Variants in HYAL4 observed in about 807,000 individuals in gnomAD.
The protein encoded by HYAL4 is hyaluronidase-4.
In HYAL4, 37 loss-of-function variants were observed where a neutral mutation model predicts 35.2. That is an observed-to-expected ratio of 1.05 (90% CI 0.81 to 1.38). The LOEUF is 1.38. Ranked by LOEUF, HYAL4 falls within the 40% of genes most tolerant of loss-of-function variation. The probability of loss-of-function intolerance (pLI) is 0.00; values close to 1 mark genes in which losing one functional copy is unlikely to be tolerated. For missense variants in HYAL4, 572 were observed against 572.4 expected (o/e 1.00, Z 0.01); for synonymous variants, 198 against 203.2 (o/e 0.97, Z 0.22).
At chr7:123,819,254 A>G in the HYAL4 span, 1 of 152,578 alleles carries the variant, frequency 6.6e-6, no homozygotes, top group Admixed American at 6.6e-5. Context: ...GTTCCTTACC[A>G]CAGTTGAGGG....
At chr7:123,807,399 T>A in the HYAL4 span, among the ~76,000 whole-genome samples, 2 of 151,646 alleles carry the variant, frequency 1.3e-5, no homozygotes, top group African/African-American at 2.4e-5. Context: ...TTTTAAAAAA[T>A]TTTTTGACTT....
intron 2 of HYAL4, among the ~76,000 whole-genome samples, chr7:123,859,363 G>A (rs1238603394): frequency 6.6e-6 from 1 of 152,126 alleles, no homozygotes; most frequent in Non-Finnish European, 1.5e-5. Flanking sequence ...CCGGTATTGT[G>A]CATTACATTT....
the HYAL4 span, among the ~76,000 whole-genome samples, chr7:123,786,326 A>G: frequency 6.6e-6 from 1 of 152,238 alleles, no homozygotes; most frequent in Admixed American, 6.5e-5. Flanking sequence ...AATGATGCTG[A>G]GGTTTGCTTG....
chr7:123,866,771 T>C (rs1365570894), intron 2 of HYAL4, among the ~76,000 whole-genome samples: 1 of 151,212 alleles, frequency 6.6e-6, no homozygotes, highest in African/African-American at 2.4e-5. Context: ...AACACCTACC[T>C]ATCTTCTCTT....
the HYAL4 span, among the ~76,000 whole-genome samples, chr7:123,812,785 A>G: frequency 6.6e-6 from 1 of 152,128 alleles, no homozygotes; most frequent in Non-Finnish European, 1.5e-5. Context: ...TCCCTGAACA[A>G]CAAATAAAGA....
intron 1 of HYAL4, among the ~76,000 whole-genome samples, chr7:123,847,296 T>A (rs951294005): frequency 1.3e-5 from 2 of 152,180 alleles, no homozygotes; most frequent in African/African-American, 4.8e-5. Context: ...TTTTCAGCTT[T>A]ATAGTGTATT....
chr7:123,774,689 C>T, the HYAL4 span, among the ~76,000 whole-genome samples: 1 of 152,188 alleles, frequency 6.6e-6, no homozygotes, highest in Non-Finnish European at 1.5e-5. Flanking sequence ...TCCTAACATT[C>T]CTCAAGGCTT....
At chr7:123,764,506 A>G in the HYAL4 span, among the ~76,000 whole-genome samples, 1,185 of 152,308 alleles carry the variant, frequency 7.8e-3, 20 homozygotes, top group African/African-American at 0.027. Context: ...CATGAAGATG[A>G]TCCTCCACTG....
the HYAL4 span, among the ~76,000 whole-genome samples, chr7:123,788,032 C>T: frequency 6.6e-6 from 1 of 152,134 alleles, no homozygotes; most frequent in Non-Finnish European, 1.5e-5. Flanking sequence ...AATATTGGCT[C>T]AGTGGCCAGG....
the HYAL4 span, among the ~76,000 whole-genome samples, chr7:123,792,201 AC>A: frequency 6.6e-6 from 1 of 152,246 alleles, no homozygotes; most frequent in Non-Finnish European, 1.5e-5. Flanking sequence ...ACACTGTTAC[AC>A]AGGCAGATCA....
chr7:123,813,767 A>T, the HYAL4 span, among the ~76,000 whole-genome samples: 1 of 152,198 alleles, frequency 6.6e-6, no homozygotes, highest in Non-Finnish European at 1.5e-5. Flanking sequence ...CTTTGTAAGT[A>T]ATCAATAAGG....
the HYAL4 span, chr7:123,819,559 AG>A: frequency 6.6e-6 from 1 of 152,224 alleles, no homozygotes; most frequent in Non-Finnish European, 1.5e-5. Context: ...AAATTCAAAA[AG>A]TACAGGGTCT....
chr7:123,807,914 AATTATTATTATTATT>A, the HYAL4 span, among the ~76,000 whole-genome samples: 4 of 136,572 alleles, frequency 2.9e-5, no homozygotes, highest in South Asian at 2.5e-4. Flanking sequence ...TTAGCTGGAT[AATTATTATTATTATT>A]ATTATTATTA....
intron 3 of HYAL4, among the ~76,000 whole-genome samples, chr7:123,870,540 G>A (rs1806849449): frequency 6.6e-6 from 1 of 152,038 alleles, no homozygotes; most frequent in Non-Finnish European, 1.5e-5. Context: ...GAGGCAGGTG[G>A]ATCACAAGGT....
the HYAL4 span, among the ~76,000 whole-genome samples, chr7:123,810,652 A>C: frequency 6.6e-6 from 1 of 152,204 alleles, no homozygotes; most frequent in Non-Finnish European, 1.5e-5. Flanking sequence ...TAACTGATGA[A>C]CCTACATGGA....
At chr7:123,802,090 A>T in the HYAL4 span, among the ~76,000 whole-genome samples, 4 of 152,172 alleles carry the variant, frequency 2.6e-5, no homozygotes, top group Admixed American at 2.6e-4. Flanking sequence ...TGAGCATATG[A>T]TCTCCAAGTA....
At chr7:123,843,233 T>G (rs113745316), upstream of HYAL4, among the ~76,000 whole-genome samples, 2 of 152,104 alleles carry the variant, frequency 1.3e-5, no homozygotes, top group African/African-American at 4.8e-5. Flanking sequence ...GTCTGTAAAG[T>G]ATTTTATTTC....
At chr7:123,789,880 C>T in the HYAL4 span, among the ~76,000 whole-genome samples, 37 of 151,624 alleles carry the variant, frequency 2.4e-4, no homozygotes, top group Non-Finnish European at 5.2e-4. Context: ...AGAGCCAGAG[C>T]GAGAGTGAGA....
chr7:123,768,870 G>T, the HYAL4 span, among the ~76,000 whole-genome samples: 2 of 152,186 alleles, frequency 1.3e-5, no homozygotes. Context: ...CCAGGCAAAT[G>T]ATGTTGCCCC....
Sources: allele counts gnomAD v4.1 joint callset (sites outside exome capture counted in the v4.1 genomes callset), GRCh38; gene constraint gnomAD v4.1.1; transcripts MANE v1.5; gene names NCBI Gene and HGNC (gene_info 2026-07-23, HGNC 2026-07-21).